Variants in PRM2 observed in about 807,000 individuals in gnomAD.
PRM2 encodes the protein protamine-2.
A neutral mutation model predicts 10.7 loss-of-function variants in PRM2; 6 were observed. That is an observed-to-expected ratio of 0.56 (90% CI 0.31 to 1.11). The LOEUF (loss-of-function observed/expected upper bound fraction) is 1.11, where lower values mean the gene tolerates loss of function less well. Ranked by LOEUF, PRM2 falls within the 50% of genes least tolerant of loss-of-function variation. The pLI, the probability that PRM2 is intolerant of heterozygous loss-of-function variation, is 0.06. For synonymous variants in PRM2, 64 were observed against 54.8 expected (o/e 1.17, Z -0.74); for missense variants, 194 against 147.7 (o/e 1.31, Z -1.62).
rs760816856 is a variant in PRM2 at position 11,275,851 on chromosome 16, C to T, written c.*49G>A. 73 of 1,613,202 alleles carry T rather than the reference C, an allele frequency of 4.5e-5. No homozygotes were observed. Among genetic ancestry groups the T allele is most frequent in the Admixed American group, 1.2e-4 (7 of 59,936 alleles). On this transcript the variant is annotated 3_prime_UTR_variant, in exon 2 of 2. Transcript: ENST00000241808. ...ATTGCTATGGCCTCACTTGGTGTTT[C>T]GGGCGACTTTTTCTTAATTTCCAGC...
Position 11,275,765 on chromosome 16 carries a change from T to C in PRM2, c.*135A>G. 6.4e-7 allele frequency: 1 copy of C among 1,558,548 alleles called. No homozygotes were observed. Among genetic ancestry groups the C allele is most frequent in the Non-Finnish European group, 8.7e-7 (1 of 1,148,430 alleles). ...AGTTGCTATGGCCTCACTCGGTGTT[T>C]CTTGGGCAGGTGACTTTCTCTTAAC... On this transcript the variant is annotated 3_prime_UTR_variant, in exon 2 of 2. Coordinates refer to ENST00000241808, the MANE Select transcript of PRM2 (RefSeq NM_002762.4).
chr16:11,275,785 CTT>C lies in PRM2; in HGVS notation c.*113_*114del, dbSNP rs778626778. 2.5e-6 allele frequency: 4 copies of C among 1,581,212 alleles called. No individual in the cohort carries two copies. The highest frequency in any genetic ancestry group is 2.6e-6 in the Non-Finnish European group (3 of 1,164,376). Reference sequence around the variant, plus strand: ...GTGTTTCTTGGGCAGGTGACTTTCTCTTAACTTCCAGCTGGGGGCTTGAGCAT... The same window carrying C: ...GTGTTTCTTGGGCAGGTGACTTTCTCAACTTCCAGCTGGGGGCTTGAGCAT... On this transcript the variant is annotated 3_prime_UTR_variant, in exon 2 of 2. Transcript: ENST00000241808.
At position 11,275,728 on chromosome 16, in the gene PRM2, T is replaced by G. The variant is rs1157848292; in HGVS notation, c.*172A>C. ...CGGCGGCAACTCAGGGCTTGAGCATTTGATGTAGGGGAGTTGCTATGGCCT... is the reference window on the plus strand; with the variant it reads ...CGGCGGCAACTCAGGGCTTGAGCATGTGATGTAGGGGAGTTGCTATGGCCT... On this transcript the variant is annotated 3_prime_UTR_variant, in exon 2 of 2. Transcript: ENST00000241808. 1 of 1,477,372 alleles carries G rather than the reference T, an allele frequency of 6.8e-7. No individual in the cohort carries two copies. Among genetic ancestry groups the G allele is most frequent in the Non-Finnish European group, 9.2e-7 (1 of 1,084,098 alleles). 91.5% of individuals were successfully genotyped at this position (1,477,372 alleles called of 1,614,324 possible).
chr16:11,276,221 C>T lies in PRM2; in HGVS notation c.150G>A (p.Gln50=). ...AGCAGTGTCTGCGCCTATAGTGAGACTGGCCATGGGTCCTCTCGTAGACCT... is the reference window on the plus strand; with the variant it reads ...AGCAGTGTCTGCGCCTATAGTGAGATTGGCCATGGGTCCTCTCGTAGACCT... ...HVEVYERTHG[Q]SHYRRRHCSR... The change falls in exon 1 of 2, where the codon CAG becomes CAA. Residue 50 remains glutamine, a synonymous_variant. Coordinates refer to ENST00000241808, the MANE Select transcript of PRM2 (RefSeq NM_002762.4). 6.2e-7 allele frequency: 1 copy of T among 1,614,252 alleles called. No homozygotes were observed. Among genetic ancestry groups the T allele is most frequent in the Non-Finnish European group, 8.5e-7 (1 of 1,180,038 alleles).
Position 11,276,452 on chromosome 16 carries a change from T to A in PRM2, c.-82A>T. The A allele has an allele frequency of 6.4e-7, 1 of 1,571,686 alleles. No individual in the cohort carries two copies. The highest frequency in any genetic ancestry group is 1.3e-5 in the African/African-American group (1 of 74,126). On this transcript the variant is annotated 5_prime_UTR_variant, in exon 1 of 2. Coordinates refer to ENST00000241808, the MANE Select transcript of PRM2 (RefSeq NM_002762.4). ...GGAGGAGGGCGGAGGCCTGCCCACC[T>A]GCCCTTGGTGTTACTGTTGGTCTGG...
At position 11,275,692 on chromosome 16, in the gene PRM2, T is replaced by C. The variant is rs2069843226; in HGVS notation, c.*208A>G. 11 of 1,233,972 alleles carry C rather than the reference T, an allele frequency of 8.9e-6. No homozygotes were observed. Among genetic ancestry groups the C allele is most frequent in the South Asian group, 1.4e-5 (1 of 72,988 alleles). The allele number at this position is 1,233,972 out of a possible 1,614,324, so 76.4% of individuals were successfully genotyped here. ...ACTTTTGCTCGTTTCACTCAGATCT[T>C]GTGGGCTTCTCGGCGGCAACTCAGG... On this transcript the variant is annotated 3_prime_UTR_variant, in exon 2 of 2. Transcript: ENST00000241808.
intron 1 of PRM2, 47 bp downstream of exon 1, chr16:11,276,053 C>T (rs762458100): frequency 6.2e-7 from 1 of 1,611,014 alleles, no homozygotes; most frequent in South Asian, 1.1e-5. Context: ...CCTCCTGTGC[C>T]TGGGGTGGTC....
In PRM2 at chr16:11,276,298, C is replaced by T. The variant is rs781212087; in HGVS notation, c.73G>A (p.Glu25Lys). 1.1e-4 allele frequency: 179 copies of T among 1,614,256 alleles called. 1 individual carries two copies. Among genetic ancestry groups the T allele is most frequent in the South Asian group, 2.5e-4 (23 of 91,086 alleles). ...EVYRQQLHGQEQGHHGQEEQG... is the reference protein window; with the variant it reads ...EVYRQQLHGQKQGHHGQEEQG... ...TCCTCTTGGCCGTGGTGTCCTTGCT[C>T]TTGCCCATGCAACTGCTGCCTGTAC... Residue 25 changes from glutamate (E) to lysine (K), a missense_variant, in exon 1 of 2, where the codon GAG (glutamate) becomes AAG (lysine). Coordinates refer to ENST00000241808, the MANE Select transcript of PRM2 (RefSeq NM_002762.4).
In PRM2 at chr16:11,276,148, T is replaced by C; in HGVS notation, c.223A>G (p.Arg75Gly). The change falls in exon 1 of 2, where the codon AGA becomes GGA. Residue 75 changes from arginine (R) to glycine (G), a missense_variant. By Grantham distance (125) the Arg-to-Gly change is moderately radical (BLOSUM62 -2). Transcript: ENST00000241808. ...RIHRRQHRSCRRRKRRSCRHR... is the reference protein window; with the variant it reads ...RIHRRQHRSCGRRKRRSCRHR... ...CTGCAGGAGCGTCTTTTGCGCCTTC[T>C]GCAGGAGCGATGCTGCCGCCTGTGG... 1 of 1,613,638 alleles carries C rather than the reference T, an allele frequency of 6.2e-7. No homozygotes were observed. The highest frequency in any genetic ancestry group is 2.2e-5 in the East Asian group (1 of 44,878).
Position 11,276,288 on chromosome 16 carries a change from T to C in PRM2, c.83A>G (p.His28Arg). ...RQQLHGQEQG[H>R]HGQEEQGLSP... ...CAGCCCTTGCTCCTCTTGGCCGTGG[T>C]GTCCTTGCTCTTGCCCATGCAACTG... The change falls in exon 1 of 2, where the codon CAC (histidine) becomes CGC (arginine). Residue 28 changes from histidine to arginine, a missense_variant. His to Arg is a conservative substitution (Grantham distance 29). Transcript: ENST00000241808. The C allele has an allele frequency of 6.2e-7, 1 of 1,614,262 alleles. No individual in the cohort carries two copies. The highest frequency in any genetic ancestry group is 8.5e-7 in the Non-Finnish European group (1 of 1,180,032).
Position 11,276,467 on chromosome 16 carries a change from T to C in PRM2, c.-97A>G. 1.3e-6 allele frequency: 2 copies of C among 1,543,974 alleles called. No individual in the cohort carries two copies. The highest frequency in any genetic ancestry group is 1.8e-6 in the Non-Finnish European group (2 of 1,133,550). On this transcript the variant is annotated 5_prime_UTR_variant, in exon 1 of 2. Transcript: ENST00000241808. ...CCTGCCCACCTGCCCTTGGTGTTAC[T>C]GTTGGTCTGGTCTGCAAGGCTCCCC... is the stretch of plus-strand genomic sequence containing the variant.
chr16:11,276,031 G>T, intron 1 of PRM2, 69 bp downstream of exon 1: 1 of 1,609,182 alleles, frequency 6.2e-7, no homozygotes. Flanking sequence ...AGGTGGGGTG[G>T]GTCCCCGCCT....
In PRM2 at chr16:11,276,284, G is replaced by A. The variant is rs758881355; in HGVS notation, c.87C>T (p.His29=). ...GGCTCAGCCCTTGCTCCTCTTGGCC[G>A]TGGTGTCCTTGCTCTTGCCCATGCA... ...QQLHGQEQGH[H]GQEEQGLSPE... is the part of the protein sequence containing the mutation. The change falls in exon 1 of 2, where the codon CAC becomes CAT. Residue 29 remains histidine, a synonymous_variant. Transcript: ENST00000241808. 21 of 1,614,146 alleles carry A rather than the reference G, an allele frequency of 1.3e-5. No individual in the cohort carries two copies. Among genetic ancestry groups the A allele is most frequent in the Non-Finnish European group, 1.6e-5 (19 of 1,180,050 alleles).
At position 11,276,214 on chromosome 16, in the gene PRM2, AG is replaced by A; in HGVS notation, c.156del (p.Tyr53IlefsTer74). 1 of 1,614,194 alleles carries A rather than the reference AG, an allele frequency of 6.2e-7. No homozygotes were observed. Among genetic ancestry groups the A allele is most frequent in the Non-Finnish European group, 8.5e-7 (1 of 1,180,030 alleles). ...EVYERTHGQS[H>X]YRRRHCSRRR... ...CTTCGAGAGCAGTGTCTGCGCCTATAGTGAGACTGGCCATGGGTCCTCTCGT... is the reference window on the plus strand; with the variant it reads ...CTTCGAGAGCAGTGTCTGCGCCTATATGAGACTGGCCATGGGTCCTCTCGT... On this transcript the variant is annotated frameshift_variant, in exon 1 of 2. Coordinates refer to ENST00000241808, the MANE Select transcript of PRM2 (RefSeq NM_002762.4). LOFTEE classifies it high-confidence loss of function.
rs1276976755 is a variant in PRM2 at position 11,275,790 on chromosome 16, C to T, written c.*110G>A. On this transcript the variant is annotated 3_prime_UTR_variant, in exon 2 of 2. Coordinates refer to ENST00000241808, the MANE Select transcript of PRM2 (RefSeq NM_002762.4). ...TCTTGGGCAGGTGACTTTCTCTTAA[C>T]TTCCAGCTGGGGGCTTGAGCATTTG... is the stretch of plus-strand genomic sequence containing the variant. 6.3e-7 allele frequency: 1 copy of T among 1,586,156 alleles called. No individual in the cohort carries two copies. The highest frequency in any genetic ancestry group is 2.3e-5 in the East Asian group (1 of 44,194).
At position 11,275,899 on chromosome 16, in the gene PRM2, C is replaced by G; in HGVS notation, c.*1G>C. 3 of 1,613,852 alleles carry G rather than the reference C, an allele frequency of 1.9e-6. No homozygotes were observed. The highest frequency in any genetic ancestry group is 2.5e-6 in the Non-Finnish European group (3 of 1,179,994). On this transcript the variant is annotated 3_prime_UTR_variant, in exon 2 of 2. Coordinates refer to ENST00000241808, the MANE Select transcript of PRM2 (RefSeq NM_002762.4). ...AGCTGGGGGTGAGGGGCCCAGGAAG[C>G]TTAGTGCCTTCTGCATGTTCTCTTC...
rs141774387 is a variant in PRM2, at chr16:11,275,656, T to C, written c.*244A>G. The C allele has an allele frequency of 1.4e-4, 124 of 882,894 alleles. No individual in the cohort carries two copies. The East Asian group carries it at 3.0e-3, about 22-fold the overall frequency. 54.7% of individuals were successfully genotyped at this position (882,894 alleles called of 1,614,324 possible). A position where few individuals can be genotyped will look rare whatever the true frequency, so the allele number is the denominator to read the frequency against. The stretch of plus-strand genomic sequence containing the variant: ...CCAGCGAGTGTCTTGTCAAGCTTTA[T>C]TGGGCAGGTGACTTTTGCTCGTTTC... On this transcript the variant is annotated 3_prime_UTR_variant, in exon 2 of 2. Coordinates refer to ENST00000241808, the MANE Select transcript of PRM2 (RefSeq NM_002762.4).
At position 11,276,342 on chromosome 16, in the gene PRM2, C is replaced by G. The variant is rs1567465213; in HGVS notation, c.29G>C (p.Ser10Thr). The change falls in exon 1 of 2, where the codon AGC becomes ACC. Residue 10 changes from serine (S) to threonine (T), a missense_variant. Coordinates refer to ENST00000241808, the MANE Select transcript of PRM2 (RefSeq NM_002762.4). MVRYRVRSL[S>T]ERSHEVYRQQ... ...CCTGTACACCTCGTGCGAGCGTTCG[C>G]TCAGGCTCCTCACGCGGTATCGGAC... The G allele has an allele frequency of 1.9e-6, 3 of 1,614,244 alleles. No individual in the cohort carries two copies. Among genetic ancestry groups the G allele is most frequent in the African/African-American group, 2.7e-5 (2 of 75,064 alleles).
In PRM2 at chr16:11,276,253, G is replaced by A. The variant is rs1421810493; in HGVS notation, c.118C>T (p.His40Tyr). The change falls in exon 1 of 2, where the codon CAC becomes TAC. Residue 40 changes from histidine (H) to tyrosine (Y), a missense_variant. Physicochemically the swap from His to Tyr is moderately conservative, Grantham distance 83. Coordinates refer to ENST00000241808, the MANE Select transcript of PRM2 (RefSeq NM_002762.4). ...TGGGTCCTCTCGTAGACCTCGACGT[G>A]CTCCGGGCTCAGCCCTTGCTCCTCT... ...GQEEQGLSPE[H>Y]VEVYERTHGQ... 3.1e-6 allele frequency: 5 copies of A among 1,614,146 alleles called. No homozygotes were observed. In the African/African-American group the frequency reaches 5.3e-5, roughly 17 times the overall value.
Sources: gnomAD v4.1 joint callset for allele counts on GRCh38, gnomAD v4.1.1 for gene constraint, MANE v1.5 for transcripts, NCBI Gene and HGNC (gene_info 2026-07-23, HGNC 2026-07-21) for gene names.